The following UTRN variants were observed in gnomAD, a reference collection of about 807,000 sequenced individuals.
UTRN encodes utrophin, also known as dystrophin-related protein 1.
Under a neutral mutation model 463.9 loss-of-function variants are expected in UTRN, and 283 were observed. That is an observed-to-expected ratio of 0.61 (90% CI 0.55 to 0.67). The LOEUF (loss-of-function observed/expected upper bound fraction) is 0.67, where lower values mean the gene tolerates loss of function less well. UTRN is among the 30% of genes least tolerant of loss of function. The pLI is 0.00. For synonymous variants in UTRN, 1,442 were observed against 1,431.5 expected (o/e 1.01, Z -0.17); for missense variants, 3,922 against 4,084.3 (o/e 0.96, Z 1.08).
chr6:144,697,976 C>T (rs1407799300), intron 52 of UTRN, among the ~76,000 whole-genome samples: 4 of 152,092 alleles, frequency 2.6e-5, no homozygotes, highest in Non-Finnish European at 5.9e-5. Context: ...AATAAAAGGG[C>T]AGGGAACACG....
chr6:144,740,936 T>A (rs1385363821), intron 54 of UTRN, among the ~76,000 whole-genome samples: 1 of 152,234 alleles, frequency 6.6e-6, no homozygotes, highest in Non-Finnish European at 1.5e-5. Context: ...CATAAAAAGA[T>A]GGCAATCGTT....
At chr6:144,461,420 G>A in intron 22 of UTRN, 78 bp downstream of exon 22, 1 of 1,334,076 alleles carries the variant, frequency 7.5e-7, no homozygotes, top group Non-Finnish European at 9.7e-7. Flanking sequence ...TGTTTTTTCA[G>A]AGATTAAAAA....
chr6:144,795,447 G>T (rs551611004), intron 63 of UTRN, among the ~76,000 whole-genome samples: 2 of 152,088 alleles, frequency 1.3e-5, no homozygotes, highest in South Asian at 2.1e-4. Context: ...GAATTGCCAC[G>T]CTGTCTTCCA....
chr6:144,797,317 T>C (rs1225391435), intron 63 of UTRN, among the ~76,000 whole-genome samples: 1 of 151,884 alleles, frequency 6.6e-6, no homozygotes, highest in South Asian at 2.1e-4. Flanking sequence ...GCCTCCCGAG[T>C]AGCTGGGACT....
intron 37 of UTRN, 76 bp downstream of exon 37, chr6:144,514,896 A>ACTG: frequency 7.2e-7 from 1 of 1,393,482 alleles, no homozygotes; most frequent in South Asian, 1.5e-5. Context: ...CAGTACATAC[A>ACTG]TCAACAATTT....
intron 51 of UTRN, among the ~76,000 whole-genome samples, chr6:144,595,617 G>A (rs1414669745): frequency 6.6e-6 from 1 of 152,130 alleles, no homozygotes; most frequent in African/African-American, 2.4e-5. Context: ...TTCAGAGCAG[G>A]ACTAATAGCC....
chr6:144,745,688 A>G (rs1296909524), intron 54 of UTRN, among the ~76,000 whole-genome samples: 9 of 152,252 alleles, frequency 5.9e-5, no homozygotes, highest in African/African-American at 1.9e-4. Flanking sequence ...GTCACAAGAC[A>G]AAGAACCCAT....
chr6:144,374,656 G>T (rs771074743), intron 2 of UTRN, among the ~76,000 whole-genome samples: 2 of 148,720 alleles, frequency 1.3e-5, no homozygotes, highest in Middle Eastern at 3.4e-3. Context: ...GCTAATTTTT[G>T]TATTTTTAGT....
At chr6:144,461,425 TAA>T in intron 22 of UTRN, 83 bp downstream of exon 22, 1 of 1,317,580 alleles carries the variant, frequency 7.6e-7, no homozygotes, top group Non-Finnish European at 9.8e-7. Context: ...TTTCAGAGAT[TAA>T]AAAAAAAGTT....
chr6:144,767,464 T>C (rs1338863590), intron 58 of UTRN, among the ~76,000 whole-genome samples: 1 of 152,170 alleles, frequency 6.6e-6, no homozygotes, highest in East Asian at 1.9e-4. Context: ...TATCAAGAGC[T>C]TAGCTTAAAA....
At chr6:144,434,532 T>G (rs910757100) in intron 9 of UTRN, among the ~76,000 whole-genome samples, 9 of 152,006 alleles carry the variant, frequency 5.9e-5, no homozygotes, top group African/African-American at 9.7e-5. Flanking sequence ...TGGAAGAAAG[T>G]AAAGGTTTTG....
chr6:144,711,947 C>G (rs926669063), intron 53 of UTRN, among the ~76,000 whole-genome samples: 2 of 151,734 alleles, frequency 1.3e-5, no homozygotes, highest in Non-Finnish European at 2.9e-5. Context: ...ACAACAACAC[C>G]CTACTGTTAA....
At chr6:144,304,535 G>A (rs1805544925) in intron 2 of UTRN, among the ~76,000 whole-genome samples, 1 of 152,090 alleles carries the variant, frequency 6.6e-6, no homozygotes, top group African/African-American at 2.4e-5. Flanking sequence ...TCACGGGAGT[G>A]GTACCTGACA....
intron 2 of UTRN, among the ~76,000 whole-genome samples, chr6:144,400,372 T>C (rs971335058): frequency 6.6e-6 from 1 of 152,200 alleles, no homozygotes; most frequent in African/African-American, 2.4e-5. Flanking sequence ...TCTGTATAAA[T>C]TTCTAGGCAG....
chr6:144,605,446 T>C (rs941064452), intron 51 of UTRN, among the ~76,000 whole-genome samples: 2 of 152,052 alleles, frequency 1.3e-5, no homozygotes, highest in African/African-American at 2.4e-5. Context: ...CTTCCTTTGC[T>C]GTTTCATTAT....
chr6:144,542,755 A>G, intron 45 of UTRN, 40 bp from the exon 46 acceptor site: 1 of 1,580,018 alleles, frequency 6.3e-7, no homozygotes, highest in Non-Finnish European at 8.6e-7. Flanking sequence ...ATCTTTATTT[A>G]CGTAGTATTC....
intron 51 of UTRN, among the ~76,000 whole-genome samples, chr6:144,591,327 GGTT>G (rs1389028463): frequency 1.3e-5 from 2 of 152,024 alleles, no homozygotes; most frequent in African/African-American, 2.4e-5. Flanking sequence ...TTTTCCCTGG[GGTT>G]GTTATTTTCT....
intron 61 of UTRN, among the ~76,000 whole-genome samples, chr6:144,784,297 C>T (rs567969752): frequency 6.6e-6 from 1 of 152,286 alleles, no homozygotes; most frequent in South Asian, 2.1e-4. Context: ...ATGGCTTCAA[C>T]AAGAGAAATT....
chr6:144,682,418 A>G (rs968307349), intron 52 of UTRN, among the ~76,000 whole-genome samples: 11 of 152,172 alleles, frequency 7.2e-5, no homozygotes, highest in African/African-American at 2.7e-4. Flanking sequence ...AATCTTGGCT[A>G]TTGTGAACAG....
Sources: gnomAD v4.1 joint callset for allele counts (sites outside exome capture counted in the v4.1 genomes callset) on GRCh38, gnomAD v4.1.1 for gene constraint, MANE v1.5 for transcripts, NCBI Gene and HGNC (gene_info 2026-07-23, HGNC 2026-07-21) for gene names.